CDH8: variants seen among roughly 807,000 people sequenced by gnomAD.
The protein encoded by CDH8 is cadherin-8.
In CDH8, 17 loss-of-function variants were observed where a neutral mutation model predicts 68.1. The ratio of observed to expected loss-of-function variants is 0.25; its 90% CI spans 0.17 to 0.37. The LOEUF (loss-of-function observed/expected upper bound fraction) is 0.37. Among genes scored for constraint, CDH8 ranks in the 10% least tolerant of loss-of-function variants. The pLI is 1.00. For missense variants in CDH8, 763 were observed against 999.3 expected, an observed-to-expected ratio of 0.76 and a Z score of 3.19; for synonymous variants, 372 against 365.1, an observed-to-expected ratio of 1.02 and a Z score of -0.21.
intron 4 of CDH8, among the ~76,000 whole-genome samples, chr16:61,829,550 G>T (rs1261383646): frequency 6.6e-6 from 1 of 151,814 alleles, no homozygotes; most frequent in Non-Finnish European, 1.5e-5. Context: ...CCTTAAGAAG[G>T]CAGGGCAGAC....
chr16:61,965,438 T>A (rs79925511), intron 2 of CDH8, among the ~76,000 whole-genome samples: 1 of 152,134 alleles, frequency 6.6e-6, no homozygotes, highest in African/African-American at 2.4e-5. Context: ...ATTTCACACA[T>A]GTTTACTAAA....
In CDH8 at chr16:61,655,573, A is replaced by C. The variant is rs202247121; in HGVS notation, c.1803T>G (p.Asn601Lys). The change falls in exon 11 of 12, where the codon AAT (asparagine) becomes AAG (lysine). Residue 601 changes from asparagine to lysine, a missense_variant. Coordinates refer to ENST00000577390, the MANE Select transcript of CDH8 (RefSeq NM_001796.5). ...CATTGCAAGACTGGACGACACCGTC[A>C]TTGCTGCAGCCACAGACCCTGATTG... ...TLTIRVCGCSNDGVVQSCNVE... is the reference protein window; with the variant it reads ...TLTIRVCGCSKDGVVQSCNVE... 4.0e-5 allele frequency: 65 copies of C among 1,614,182 alleles called. No homozygotes were observed. The highest frequency in any genetic ancestry group is 3.2e-4 in the African/African-American group (24 of 75,062).
intron 8 of CDH8, among the ~76,000 whole-genome samples, chr16:61,775,066 T>C (rs142639795): frequency 6.6e-6 from 1 of 152,244 alleles, no homozygotes; most frequent in Middle Eastern, 3.4e-3. Flanking sequence ...TTGATGGCTG[T>C]TAGAAATATT....
intron 4 of CDH8, among the ~76,000 whole-genome samples, chr16:61,842,243 A>C (rs147224347): frequency 3.4e-4 from 52 of 152,092 alleles, no homozygotes; most frequent in African/African-American, 1.2e-3. Flanking sequence ...CTCCCTCTTC[A>C]ACTCATGTTG....
chr16:61,713,731 C>G, intron 10 of CDH8, 110 bp downstream of exon 10: 1 of 641,488 alleles, frequency 1.6e-6, no homozygotes, highest in Non-Finnish European at 2.8e-6. Context: ...ATTTCAAGTG[C>G]TCATAGTTGA....
chr16:61,713,988 C>A (rs1372563035), intron 9 of CDH8, 30 bp from the exon 10 acceptor site: 2 of 1,314,366 alleles, frequency 1.5e-6, no homozygotes, highest in Admixed American at 1.7e-5. Context: ...GTCAGCATTT[C>A]TGATGATTTC....
chr16:61,852,897 T>TCCTTCCTTCCTTCCTTCCTTTCTTCCTTC (rs149266274), intron 4 of CDH8, among the ~76,000 whole-genome samples: 1 of 121,208 alleles, frequency 8.3e-6, no homozygotes, highest in Non-Finnish European at 1.7e-5. Flanking sequence ...TTCCTTCCAT[T>TCCTTCCTTCCTTCCTTCCTTTCTTCCTTC]CTTCCTTCCT....
intron 2 of CDH8, among the ~76,000 whole-genome samples, chr16:61,906,493 C>T (rs1186349844): frequency 6.6e-6 from 1 of 152,166 alleles, no homozygotes; most frequent in Non-Finnish European, 1.5e-5. Flanking sequence ...AACAGGACTG[C>T]TACATAATGG....
intron 2 of CDH8, among the ~76,000 whole-genome samples, chr16:61,971,060 C>T (rs1054069101): frequency 2.6e-5 from 4 of 152,090 alleles, no homozygotes; most frequent in African/African-American, 7.2e-5. Flanking sequence ...TGTAATTCTC[C>T]CCACCCTTGA....
At chr16:61,916,285 G>A (rs1182401890) in intron 2 of CDH8, among the ~76,000 whole-genome samples, 2 of 152,084 alleles carry the variant, frequency 1.3e-5, no homozygotes, top group African/African-American at 4.8e-5. Flanking sequence ...AGGCTGAGGT[G>A]GGCAGATCAC....
chr16:61,920,225 A>G (rs1964335739), intron 2 of CDH8, among the ~76,000 whole-genome samples: 1 of 138,032 alleles, frequency 7.2e-6, no homozygotes, highest in Non-Finnish European at 1.5e-5. Flanking sequence ...ACCAAAAGCA[A>G]TGGCAACAAA....
At chr16:61,941,805 C>T (rs1964729324) in intron 2 of CDH8, among the ~76,000 whole-genome samples, 1 of 152,154 alleles carries the variant, frequency 6.6e-6, no homozygotes, top group Non-Finnish European at 1.5e-5. Flanking sequence ...ATCTTAATCT[C>T]CTCTGTTGAC....
intron 10 of CDH8, among the ~76,000 whole-genome samples, chr16:61,707,119 C>A (rs571736998): frequency 1.1e-4 from 17 of 152,212 alleles, no homozygotes; most frequent in African/African-American, 4.1e-4. Context: ...AATGGAAAAG[C>A]ATATTATTAA....
chr16:61,981,681 T>TGTGTGC (rs747443852), intron 2 of CDH8, among the ~76,000 whole-genome samples: 46 of 141,856 alleles, frequency 3.2e-4, no homozygotes, highest in African/African-American at 8.7e-4. Context: ...TGTGTGTGTG[T>TGTGTGC]GCGCGCGCGC....
chr16:61,972,569 T>TGGGG (rs10629724), intron 2 of CDH8, among the ~76,000 whole-genome samples: 3,043 of 98,152 alleles, frequency 0.031, 51 homozygotes, highest in Non-Finnish European at 0.041. Context: ...GAACACATTG[T>TGGGG]GGGTGTGTGT....
intron 10 of CDH8, among the ~76,000 whole-genome samples, chr16:61,681,816 C>T (rs1184678278): frequency 6.6e-6 from 1 of 151,806 alleles, no homozygotes; most frequent in Non-Finnish European, 1.5e-5. Context: ...AATCGTGATC[C>T]TAAAGCTTAT....
At chr16:61,936,719 G>A (rs8044247) in intron 2 of CDH8, among the ~76,000 whole-genome samples, 76,526 of 152,000 alleles carry the variant, frequency 0.5, 21,748 homozygotes, top group African/African-American at 0.78. Flanking sequence ...GATCAGTACA[G>A]AGGAGACAAA....
intron 8 of CDH8, among the ~76,000 whole-genome samples, chr16:61,757,582 T>C (rs1235237332): frequency 3.9e-5 from 6 of 152,136 alleles, no homozygotes; most frequent in Admixed American, 2.0e-4. Flanking sequence ...GATAGATCAA[T>C]AGTATATGAA....
intron 2 of CDH8, among the ~76,000 whole-genome samples, chr16:61,919,728 T>G (rs1165671014): frequency 6.6e-6 from 1 of 151,954 alleles, no homozygotes; most frequent in Non-Finnish European, 1.5e-5. Context: ...GGAACCAAGT[T>G]GGAAAACACT....
Sources: gnomAD v4.1 joint callset for allele counts (sites outside exome capture counted in the v4.1 genomes callset) on GRCh38, gnomAD v4.1.1 for gene constraint, MANE v1.5 for transcripts, NCBI Gene and HGNC (gene_info 2026-07-23, HGNC 2026-07-21) for gene names.